The following PREX2 variants were observed in gnomAD, a reference collection of about 807,000 sequenced individuals.
PREX2 encodes the protein phosphatidylinositol 3,4,5-trisphosphate-dependent Rac exchanger 2 protein.
PREX2 carries 107 observed loss-of-function variants against 203.2 expected under a neutral mutation model. The ratio of observed to expected loss-of-function variants is 0.53; its 90% CI spans 0.45 to 0.62. The LOEUF (loss-of-function observed/expected upper bound fraction) is 0.62, where lower values mean the gene tolerates loss of function less well. PREX2 is among the 20% of genes least tolerant of loss of function. PREX2 has a pLI of 0.00. For synonymous variants in PREX2, 672 were observed against 663.6 expected (o/e 1.01, Z -0.19); for missense variants, 1,777 against 1,955.9 (o/e 0.91, Z 1.72).
rs1473191652 is a variant in PREX2 at position 68,110,375 on chromosome 8, A to G, written c.3146+752A>G. ...AGTTTCTCATCTACAGAAGTGACTG[A>G]GTAATAATAATGAATTACAAGTTTG... On this transcript the variant is annotated intron_variant, in intron 25 of 39. Transcript: ENST00000288368. 2.0e-5 allele frequency among the ~76,000 whole-genome samples: 3 copies of G among 152,320 alleles called. No individual in the cohort carries two copies. In the East Asian group the frequency reaches 5.8e-4, roughly 29 times the overall value.
At chr8:68,051,897 A>G (rs183320321) in intron 8 of PREX2, among the ~76,000 whole-genome samples, 6 of 152,286 alleles carry the variant, frequency 3.9e-5, no homozygotes, top group African/African-American at 1.4e-4. Context: ...CTCAAAAGTA[A>G]TCTGGAAGCT....
chr8:68,157,251 T>C, intron 34 of PREX2, 71 bp from the exon 35 acceptor site: 2 of 726,240 alleles, frequency 2.8e-6, no homozygotes, highest in African/African-American at 3.7e-5. Flanking sequence ...TAATAATCAA[T>C]AAAATTATAC....
chr8:68,161,487 T>TAA (rs1811652573), intron 35 of PREX2, among the ~76,000 whole-genome samples: 2 of 152,182 alleles, frequency 1.3e-5, no homozygotes, highest in South Asian at 4.1e-4. Flanking sequence ...AGTGTGCTTT[T>TAA]AATATTAATG....
intron 35 of PREX2, among the ~76,000 whole-genome samples, chr8:68,164,565 T>C (rs1445980292): frequency 6.7e-6 from 1 of 149,820 alleles, no homozygotes; most frequent in Non-Finnish European, 1.5e-5. Context: ...GGCTTTTTTT[T>C]CTTTCTTTTT....
At chr8:68,078,030 G>T (rs1809400223) in intron 15 of PREX2, among the ~76,000 whole-genome samples, 1 of 151,992 alleles carries the variant, frequency 6.6e-6, no homozygotes, top group African/African-American at 2.4e-5. Context: ...TGTGCCCTGG[G>T]ATGACTTCAA....
At chr8:68,080,105 G>A (rs6996364) in intron 15 of PREX2, among the ~76,000 whole-genome samples, 74,680 of 151,908 alleles carry the variant, frequency 0.49, 18,637 homozygotes, top group Non-Finnish European at 0.55. Flanking sequence ...TTGGAGGCAC[G>A]CATTTTTGGA....
intron 37 of PREX2, among the ~76,000 whole-genome samples, chr8:68,200,156 G>T (rs1271114194): frequency 1.3e-5 from 2 of 152,056 alleles, no homozygotes; most frequent in Non-Finnish European, 2.9e-5. Flanking sequence ...TAGATCAGAA[G>T]AAATATTTTT....
chr8:68,194,998 G>A (rs1246454242), intron 37 of PREX2, among the ~76,000 whole-genome samples: 1 of 152,176 alleles, frequency 6.6e-6, no homozygotes, highest in Non-Finnish European at 1.5e-5. Flanking sequence ...CCTGGTACAA[G>A]ATCATAGTTA....
intron 1 of PREX2, among the ~76,000 whole-genome samples, chr8:67,991,619 A>AC (rs1806611842): frequency 6.6e-6 from 1 of 152,052 alleles, no homozygotes; most frequent in Non-Finnish European, 1.5e-5. Flanking sequence ...GGGGGAAACC[A>AC]CCCCCATGAT....
At chr8:68,209,973 A>T (rs1009305709) in intron 37 of PREX2, among the ~76,000 whole-genome samples, 19 of 152,188 alleles carry the variant, frequency 1.2e-4, no homozygotes, top group Non-Finnish European at 2.2e-4. Context: ...ACAAAACAAG[A>T]TCATATTTAT....
rs2129615724 is a variant in PREX2, at chr8:68,233,407, A to C, written c.*2029A>C. ...TATCAGCTATATTGTGGTATTTATA[A>C]GCTAACATATTTTATATTTTTAAGG... On this transcript the variant is annotated 3_prime_UTR_variant, in exon 40 of 40. Coordinates refer to ENST00000288368, the MANE Select transcript of PREX2 (RefSeq NM_024870.4). 1 of 152,314 alleles carries C rather than the reference A, an allele frequency of 6.6e-6. No homozygotes were observed. The highest frequency in any genetic ancestry group is 1.9e-4 in the East Asian group (1 of 5,184). 9.4% of individuals were successfully genotyped at this position (152,314 alleles called of 1,614,324 possible).
rs780224286 is a variant in PREX2 at position 68,011,506 on chromosome 8, AG to A, written c.142-6339del. On this transcript the variant is annotated intron_variant, in intron 1 of 39. Coordinates refer to ENST00000288368, the MANE Select transcript of PREX2 (RefSeq NM_024870.4). ...TTTGGTGTACATGATGATAGGGAGT[AG>A]TGGTGACTGTGGCAAAATGAAGGGA... Among the ~76,000 whole-genome samples the A allele has an allele frequency of 3.3e-3, 503 of 152,280 alleles. 1 individual carries two copies. Among genetic ancestry groups the A allele is most frequent in the Non-Finnish European group, 6.0e-3 (408 of 68,002 alleles).
At chr8:68,179,071 G>A (rs1585847703) in intron 35 of PREX2, among the ~76,000 whole-genome samples, 1 of 151,954 alleles carries the variant, frequency 6.6e-6, no homozygotes, top group Non-Finnish European at 1.5e-5. Context: ...TTCTTGTGAT[G>A]TGGCCCTACT....
At position 68,121,033 on chromosome 8, in the gene PREX2, C is replaced by A. The variant is rs766005867; in HGVS notation, c.3708C>A (p.Ile1236=). The A allele has an allele frequency of 1.9e-6, 3 of 1,613,232 alleles. No homozygotes were observed. The South Asian group carries it at 3.3e-5, about 18-fold the overall frequency. Residue 1236 remains isoleucine, a synonymous_variant, in exon 30 of 40, where the codon ATC becomes ATA. Coordinates refer to ENST00000288368, the MANE Select transcript of PREX2 (RefSeq NM_024870.4). ...GCGTCCGGACTCTTGCTCAGAACATCAGGAAATTTGTTGAAGGTCAGCATG... is the reference window on the plus strand; with the variant it reads ...GCGTCCGGACTCTTGCTCAGAACATAAGGAAATTTGTTGAAGGTCAGCATG... ...PSSVRTLAQN[I]RKFVEEVKCR...
At chr8:67,984,750 C>T (rs867969336) in intron 1 of PREX2, among the ~76,000 whole-genome samples, 4 of 152,114 alleles carry the variant, frequency 2.6e-5, no homozygotes, top group African/African-American at 4.8e-5. Flanking sequence ...TGAGGACTCT[C>T]GAATGCACAA....
rs536247131 is a variant in PREX2 at position 68,223,724 on chromosome 8, C to G, written c.4708-835C>G. Reference sequence around the variant, plus strand: ...TAACTTCATTCATGAACTTGACAGACTGTGAAGAATTTTTCATTGCCAAAG... The same window carrying G: ...TAACTTCATTCATGAACTTGACAGAGTGTGAAGAATTTTTCATTGCCAAAG... On this transcript the variant is annotated intron_variant, in intron 38 of 39. Transcript: ENST00000288368. Among the ~76,000 whole-genome samples the G allele has an allele frequency of 2.0e-5, 3 of 152,220 alleles. No homozygotes were observed. The East Asian group carries it at 5.8e-4, about 29-fold the overall frequency.
At chr8:68,082,366 C>T (rs1398993423) in intron 17 of PREX2, 1 of 152,186 alleles carries the variant, frequency 6.6e-6, no homozygotes, top group Non-Finnish European at 1.5e-5. Flanking sequence ...TGCTAATGCC[C>T]AAGGTCTCTG....
chr8:67,952,627 T>G, intron 1 of PREX2, 92 bp downstream of exon 1: 2 of 1,518,524 alleles, frequency 1.3e-6, no homozygotes, highest in Non-Finnish European at 1.8e-6. Flanking sequence ...GCATTGTCTG[T>G]GCGGGGACCC....
At chr8:68,112,715 G>C (rs1810559032) in intron 25 of PREX2, among the ~76,000 whole-genome samples, 1 of 152,124 alleles carries the variant, frequency 6.6e-6, no homozygotes, top group Non-Finnish European at 1.5e-5. Context: ...ACTCCCTCCA[G>C]AGTGTGCAAG....
Sources: allele counts gnomAD v4.1 joint callset (sites outside exome capture counted in the v4.1 genomes callset), GRCh38; gene constraint gnomAD v4.1.1; transcripts MANE v1.5; gene names NCBI Gene and HGNC (gene_info 2026-07-23, HGNC 2026-07-21).